B4GALT5: variants seen among roughly 807,000 people sequenced by gnomAD.
The protein encoded by B4GALT5 is beta-1,4-galactosyltransferase 5.
A neutral mutation model predicts 45.0 loss-of-function variants in B4GALT5; 11 were observed. That is an observed-to-expected ratio of 0.24 (90% CI 0.15 to 0.40). B4GALT5 has a LOEUF of 0.40. B4GALT5 is among the 10% of genes least tolerant of loss of function. The probability of loss-of-function intolerance (pLI) is 1.00; values close to 1 mark genes in which losing one functional copy is unlikely to be tolerated. For synonymous variants in B4GALT5, 185 were observed against 182.9 expected (o/e 1.01, Z -0.09); for missense variants, 337 against 500.2 (o/e 0.67, Z 3.11).
In B4GALT5 at chr20:49,643,514, T is replaced by A; in HGVS notation, c.489+12A>T. 1 of 1,613,782 alleles carries A rather than the reference T, an allele frequency of 6.2e-7. No homozygotes were observed. The highest frequency in any genetic ancestry group is 8.5e-7 in the Non-Finnish European group (1 of 1,179,856). Reference sequence around the variant, plus strand: ...GGCTTCTCAGCATTTTGGCTGTGACTTCACACCCTACCTTCCACCGAGGCA... The same window carrying A: ...GGCTTCTCAGCATTTTGGCTGTGACATCACACCCTACCTTCCACCGAGGCA... On this transcript the variant is annotated intron_variant, in intron 4 of 8. Coordinates refer to ENST00000371711, the MANE Select transcript of B4GALT5 (RefSeq NM_004776.4).
chr20:49,648,621 TG>T (rs1175925628), intron 2 of B4GALT5, among the ~76,000 whole-genome samples: 1 of 152,238 alleles, frequency 6.6e-6, no homozygotes, highest in Non-Finnish European at 1.5e-5. Flanking sequence ...TTTTTTGCTG[TG>T]GTCTCCTTTT....
intron 1 of B4GALT5, among the ~76,000 whole-genome samples, chr20:49,663,536 T>C (rs900821714): frequency 6.6e-6 from 1 of 150,856 alleles, no homozygotes; most frequent in Admixed American, 6.6e-5. Context: ...TTTGGACATT[T>C]ACGTATTAAA....
chr20:49,694,790 TCCACGAGGAAAA>T (rs146381187), intron 1 of B4GALT5, among the ~76,000 whole-genome samples: 4,165 of 151,930 alleles, frequency 0.027, 196 homozygotes, highest in African/African-American at 0.096. Context: ...CACAATTTCA[TCCACGAGGAAAA>T]CCCAGAAAAC....
chr20:49,667,749 T>C (rs1397957565), intron 1 of B4GALT5, among the ~76,000 whole-genome samples: 1 of 152,186 alleles, frequency 6.6e-6, no homozygotes, highest in Non-Finnish European at 1.5e-5. Flanking sequence ...TGTCATATAT[T>C]TCAGGCTTCC....
intron 2 of B4GALT5, 138 bp downstream of exon 2, chr20:49,656,430 T>G: frequency 9.0e-7 from 1 of 1,113,048 alleles, no homozygotes; most frequent in Non-Finnish European, 1.3e-6. Context: ...GGCAAGAGCT[T>G]TTTTAGCAGT....
At chr20:49,660,007 T>C (rs146743754) in intron 1 of B4GALT5, among the ~76,000 whole-genome samples, 3 of 152,236 alleles carry the variant, frequency 2.0e-5, no homozygotes, top group Admixed American at 6.5e-5. Flanking sequence ...CCAGTCACTT[T>C]TGCCCACTGG....
chr20:49,693,230 A>G (rs993243190), intron 1 of B4GALT5, among the ~76,000 whole-genome samples: 1 of 152,246 alleles, frequency 6.6e-6, no homozygotes, highest in Non-Finnish European at 1.5e-5. Flanking sequence ...CTGAAAACAC[A>G]TCTGAGATTA....
chr20:49,650,482 C>T (rs1405982620), intron 2 of B4GALT5, among the ~76,000 whole-genome samples: 1 of 109,960 alleles, frequency 9.1e-6, no homozygotes, highest in Non-Finnish European at 1.9e-5. Flanking sequence ...AAAAAAAACA[C>T]AAAAATTAGC....
chr20:49,712,327 T>C (rs1043463082), intron 1 of B4GALT5, among the ~76,000 whole-genome samples: 5 of 152,168 alleles, frequency 3.3e-5, no homozygotes, highest in Admixed American at 2.6e-4. Context: ...CTGCCCAAGG[T>C]CATACAGGGC....
At chr20:49,704,760 C>T (rs900824380) in intron 1 of B4GALT5, among the ~76,000 whole-genome samples, 1 of 151,934 alleles carries the variant, frequency 6.6e-6, no homozygotes, top group African/African-American at 2.4e-5. Context: ...CACAACATTG[C>T]TGTCTTACAA....
intron 1 of B4GALT5, among the ~76,000 whole-genome samples, chr20:49,663,138 A>T (rs910913306): frequency 6.6e-6 from 1 of 152,254 alleles, no homozygotes; most frequent in African/African-American, 2.4e-5. Context: ...TTCCATGTAG[A>T]TAAAATACAA....
At chr20:49,691,360 A>AG (rs2085810794) in intron 1 of B4GALT5, among the ~76,000 whole-genome samples, 1 of 152,098 alleles carries the variant, frequency 6.6e-6, no homozygotes, top group African/African-American at 2.4e-5. Flanking sequence ...CTACAAAAAA[A>AG]ATTTTAAATT....
intron 2 of B4GALT5, among the ~76,000 whole-genome samples, chr20:49,655,205 C>T (rs968051236): frequency 7.9e-5 from 12 of 151,664 alleles, no homozygotes; most frequent in Non-Finnish European, 1.3e-4. Flanking sequence ...CCGAGGCAGG[C>T]GGATCACCTG....
chr20:49,709,797 C>T (rs1202025683), intron 1 of B4GALT5, among the ~76,000 whole-genome samples: 2 of 151,750 alleles, frequency 1.3e-5, no homozygotes, highest in Admixed American at 6.6e-5. Flanking sequence ...CCAACGAAGT[C>T]GTATTTTTAA....
At chr20:49,645,428 A>C (rs114074773) in intron 3 of B4GALT5, among the ~76,000 whole-genome samples, 2,975 of 152,264 alleles carry the variant, frequency 0.02, 105 homozygotes, top group African/African-American at 0.069. Flanking sequence ...GGTATAAACA[A>C]ATCTACTGCA....
chr20:49,688,702 G>A (rs1600550901), intron 1 of B4GALT5, among the ~76,000 whole-genome samples: 1 of 152,164 alleles, frequency 6.6e-6, no homozygotes, highest in Admixed American at 6.5e-5. Context: ...ACTTTGGGAG[G>A]CCAAGCCAGG....
intron 1 of B4GALT5, among the ~76,000 whole-genome samples, chr20:49,659,387 G>A (rs917351092): frequency 1.1e-4 from 16 of 152,168 alleles, no homozygotes; most frequent in African/African-American, 3.4e-4. Flanking sequence ...TTTCAGTACC[G>A]TGTCAGTCTC....
chr20:49,702,287 C>T (rs893448031), intron 1 of B4GALT5, among the ~76,000 whole-genome samples: 1 of 152,256 alleles, frequency 6.6e-6, no homozygotes, highest in Admixed American at 6.5e-5. Flanking sequence ...AAAACCATGA[C>T]TCCTGCTTTC....
intron 6 of B4GALT5, 98 bp downstream of exon 6, chr20:49,640,380 T>C: frequency 2.7e-6 from 3 of 1,097,788 alleles, no homozygotes; most frequent in Non-Finnish European, 3.8e-6. Context: ...ATCCATCAGT[T>C]GATGGGCATC....
Sources: gnomAD v4.1 joint callset for allele counts (sites outside exome capture counted in the v4.1 genomes callset) on GRCh38, gnomAD v4.1.1 for gene constraint, MANE v1.5 for transcripts, NCBI Gene and HGNC (gene_info 2026-07-23, HGNC 2026-07-21) for gene names.